ADCY3: variants seen among roughly 807,000 people sequenced by gnomAD.
ADCY3 encodes the protein adenylate cyclase type 3.
Under a neutral mutation model 119.4 loss-of-function variants are expected in ADCY3, and 70 were observed. The observed-to-expected ratio is 0.59, with a 90% confidence interval of 0.48 to 0.72. The LOEUF is 0.72. Among genes scored for constraint, ADCY3 ranks in the 30% least tolerant of loss-of-function variants. The pLI is 0.00. For missense variants in ADCY3, 1,238 were observed against 1,541.6 expected (o/e 0.80, Z 3.30); for synonymous variants, 672 against 621.4 (o/e 1.08, Z -1.21).
At chr2:24,859,969 G>A (rs1387713654) in intron 3 of ADCY3, among the ~76,000 whole-genome samples, 1 of 152,220 alleles carries the variant, frequency 6.6e-6, no homozygotes, top group East Asian at 1.9e-4. Context: ...CCTCCTGTCT[G>A]AGGGTGGGCA....
chr2:24,905,479 T>C (rs1287696521), intron 2 of ADCY3, among the ~76,000 whole-genome samples: 1 of 152,178 alleles, frequency 6.6e-6, no homozygotes, highest in Admixed American at 6.5e-5. Flanking sequence ...AAGTTGAATA[T>C]GGCTATTTAT....
Position 24,862,601 on chromosome 2 carries a change from G to A in ADCY3, c.825+9969C>T, listed in dbSNP as rs1392515568. Among the ~76,000 whole-genome samples, 3 of 151,850 alleles carry A rather than the reference G, an allele frequency of 2.0e-5. No individual in the cohort carries two copies. In the South Asian group the frequency reaches 6.3e-4, roughly 32 times the overall value. On this transcript the variant is annotated intron_variant, in intron 3 of 21. Transcript: ENST00000679454. ...TAAAAACAAATAAAAATCAAGCTCGGGTCCCAAGTTTTCTTTTGGGGGAAG... is the reference window on the plus strand; with the variant it reads ...TAAAAACAAATAAAAATCAAGCTCGAGTCCCAAGTTTTCTTTTGGGGGAAG...
At chr2:24,862,634 G>A (rs963807981) in intron 3 of ADCY3, among the ~76,000 whole-genome samples, 7 of 151,988 alleles carry the variant, frequency 4.6e-5, no homozygotes, top group Admixed American at 1.3e-4. Flanking sequence ...AAGATGTTGC[G>A]GAACTAGCTA....
Position 24,834,517 on chromosome 2 carries a change from G to A in ADCY3, c.1935C>T (p.Cys645=). ...CGATGAGTATCTCGACCAGGGCCGT[G>A]CAGAGCAGGACGACGCAGGAGCAGC... ...AFSCSCVVLL[C]TALVEILIDP... is the part of the protein sequence containing the mutation. The change falls in exon 11 of 22, where the codon TGC becomes TGT. Residue 645 remains cysteine, a synonymous_variant. Coordinates refer to ENST00000679454, the MANE Select transcript of ADCY3 (RefSeq NM_004036.5). This position sits in a 1 kb window ranked among gnomAD's most constrained non-coding sequence, Gnocchi z 4.2. The A allele has an allele frequency of 6.2e-7, 1 of 1,613,492 alleles. No individual in the cohort carries two copies. The highest frequency in any genetic ancestry group is 8.5e-7 in the Non-Finnish European group (1 of 1,179,986).
chr2:24,848,232 C>T (rs146444844), intron 3 of ADCY3, among the ~76,000 whole-genome samples: 207 of 152,338 alleles, frequency 1.4e-3, no homozygotes, highest in African/African-American at 4.9e-3. Context: ...GGTGGAAAAC[C>T]CCTTAACGGC....
At chr2:24,887,754 G>A (rs960895015) in intron 2 of ADCY3, among the ~76,000 whole-genome samples, 1 of 152,132 alleles carries the variant, frequency 6.6e-6, no homozygotes, top group South Asian at 2.1e-4. Context: ...CTGGGCCTTG[G>A]AAGTTGCCAC....
chr2:24,851,462 T>C (rs1672284738), intron 3 of ADCY3, among the ~76,000 whole-genome samples: 1 of 152,212 alleles, frequency 6.6e-6, no homozygotes. Context: ...TGTCTCAAGT[T>C]TGCAGGTGAC....
intron 2 of ADCY3, among the ~76,000 whole-genome samples, chr2:24,892,339 C>T (rs1308591205): frequency 1.3e-5 from 2 of 151,544 alleles, no homozygotes; most frequent in Non-Finnish European, 2.9e-5. Context: ...AGCTCTGCCT[C>T]CTGGGTTCAC....
Position 24,820,768 on chromosome 2 carries a change from CATTGACTGT to C in ADCY3, c.3199_3207del (p.Thr1067_Asn1069del). ...CCCGTGGACTCCATCCTGCTGGCTA[CATTGACTGT>C]ATTGCCCCAGATGTCGTAGTGTGGT... On this transcript the variant is annotated inframe_deletion, in exon 21 of 22. Transcript: ENST00000679454. 6.2e-7 allele frequency: 1 copy of C among 1,614,120 alleles called. No individual in the cohort carries two copies. Among genetic ancestry groups the C allele is most frequent in the Non-Finnish European group, 8.5e-7 (1 of 1,180,006 alleles).
chr2:24,862,507 C>G (rs1375319837), intron 3 of ADCY3, among the ~76,000 whole-genome samples: 3 of 151,202 alleles, frequency 2.0e-5, no homozygotes, highest in Non-Finnish European at 4.4e-5. Flanking sequence ...GATCGTGCCA[C>G]TGCACTCCAG....
chr2:24,902,915 C>T (rs1679069199), intron 2 of ADCY3, among the ~76,000 whole-genome samples: 1 of 151,990 alleles, frequency 6.6e-6, no homozygotes, highest in Admixed American at 6.5e-5. Context: ...TTTGTGGTCC[C>T]AGGTACTTGG....
At chr2:24,833,300 C>G (rs1448416865) in intron 11 of ADCY3, among the ~76,000 whole-genome samples, 1 of 152,166 alleles carries the variant, frequency 6.6e-6, no homozygotes, top group African/African-American at 2.4e-5. Flanking sequence ...TCCTGTGGCC[C>G]GTTCCCAATG....
intron 3 of ADCY3, among the ~76,000 whole-genome samples, chr2:24,854,160 C>G (rs1243641140): frequency 1.3e-5 from 2 of 152,180 alleles, no homozygotes. Flanking sequence ...TTCCAGAGAA[C>G]CGGACTGTGG....
At chr2:24,832,731 T>C (rs4665728) in intron 11 of ADCY3, among the ~76,000 whole-genome samples, 123,558 of 152,200 alleles carry the variant, frequency 0.81, 51,803 homozygotes, top group East Asian at 0.99. Context: ...TGCATGCTGG[T>C]GATGCCAGGT....
Position 24,872,747 on chromosome 2 carries a change from G to T in ADCY3, c.676-28C>A, listed in dbSNP as rs201236170. On this transcript the variant is annotated intron_variant, in intron 2 of 21. Coordinates refer to ENST00000679454, the MANE Select transcript of ADCY3 (RefSeq NM_004036.5). The surrounding 1 kb of genome is among the most constrained non-coding windows in gnomAD (Gnocchi z 4.4). The stretch of plus-strand genomic sequence containing the variant: ...GCACCCCAAGGAAGAAGAGAGAAAA[G>T]GCCAGGGGTGAAGGCACGTCTTCAG... 6.9e-6 allele frequency: 11 copies of T among 1,605,158 alleles called. No individual in the cohort carries two copies. In the African/African-American group the frequency reaches 1.3e-4, roughly 20 times the overall value.
intron 9 of ADCY3, among the ~76,000 whole-genome samples, chr2:24,836,049 C>T (rs1670288763): frequency 6.6e-6 from 1 of 152,104 alleles, no homozygotes; most frequent in Non-Finnish European, 1.5e-5. Flanking sequence ...TGTAAAATCA[C>T]GTGGATGGTC....
chr2:24,838,198 C>G (rs1243063863), intron 8 of ADCY3, among the ~76,000 whole-genome samples: 2 of 152,054 alleles, frequency 1.3e-5, no homozygotes, highest in East Asian at 3.9e-4. Context: ...CAGCGGCCCC[C>G]TCCTGGATGT....
chr2:24,869,140 T>A (rs1674665678), intron 3 of ADCY3, among the ~76,000 whole-genome samples: 1 of 152,116 alleles, frequency 6.6e-6, no homozygotes. Context: ...AGAAAAATTT[T>A]AAAAAGGCAC....
At chr2:24,909,706 A>C (rs1046801262) in intron 2 of ADCY3, among the ~76,000 whole-genome samples, 2 of 152,180 alleles carry the variant, frequency 1.3e-5, no homozygotes, top group Non-Finnish European at 2.9e-5. Context: ...GTGGTCACAG[A>C]GTATTTTGGA....
Sources: allele counts gnomAD v4.1 joint callset (sites outside exome capture counted in the v4.1 genomes callset), GRCh38; gene constraint gnomAD v4.1.1; non-coding constraint Gnocchi (gnomAD v3.1); transcripts MANE v1.5; gene names NCBI Gene and HGNC (gene_info 2026-07-23, HGNC 2026-07-21).